Variants in DCAF13 observed in about 807,000 individuals in gnomAD.
DCAF13 encodes DDB1- and CUL4-associated factor 13.
DCAF13 carries 38 observed loss-of-function variants against 59.0 expected under a neutral mutation model. The ratio of observed to expected loss-of-function variants is 0.64; its 90% CI spans 0.50 to 0.84. DCAF13 has a LOEUF of 0.84. Among genes scored for constraint, DCAF13 ranks in the 40% least tolerant of loss-of-function variants. DCAF13 has a pLI of 0.00. For missense variants in DCAF13, 469 were observed against 558.4 expected (o/e 0.84, Z 1.61); for synonymous variants, 173 against 175.0 (o/e 0.99, Z 0.09).
At chr8:103,417,922 A>G (rs1332830166) in intron 1 of DCAF13, among the ~76,000 whole-genome samples, 1 of 152,078 alleles carries the variant, frequency 6.6e-6, no homozygotes, top group Non-Finnish European at 1.5e-5. Flanking sequence ...GATCGAGACT[A>G]TCCTGGCTAA....
At chr8:103,428,118 G>A (rs1816817921) in intron 5 of DCAF13, 1 of 152,192 alleles carries the variant, frequency 6.6e-6, no homozygotes, top group Admixed American at 6.5e-5. Flanking sequence ...GTAAGGTTGA[G>A]TCAAAATAGT....
At chr8:103,415,582 G>A in intron 1 of DCAF13, 66 bp downstream of exon 1, 1 of 1,472,442 alleles carries the variant, frequency 6.8e-7, no homozygotes, top group Non-Finnish European at 9.1e-7. Context: ...CTCGGCTTTC[G>A]CGGAGTAAAG....
chr8:103,424,101 C>G (rs1457388194), intron 3 of DCAF13, among the ~76,000 whole-genome samples: 1 of 152,060 alleles, frequency 6.6e-6, no homozygotes, highest in Admixed American at 6.6e-5. Context: ...TCACTGCAAG[C>G]TCTGCCTCCC....
intron 3 of DCAF13, among the ~76,000 whole-genome samples, chr8:103,425,071 G>A (rs1167080251): frequency 1.3e-5 from 2 of 152,018 alleles, no homozygotes; most frequent in Admixed American, 6.5e-5. Flanking sequence ...TGCAAGAAGC[G>A]TTTTCCTTTT....
chr8:103,431,374 C>T (rs957995167), intron 6 of DCAF13, among the ~76,000 whole-genome samples: 14 of 152,186 alleles, frequency 9.2e-5, no homozygotes, highest in African/African-American at 2.4e-5. Flanking sequence ...GGCTGGACAT[C>T]ATTGAGATGC....
chr8:103,433,893 G>A (rs914694779), intron 7 of DCAF13, among the ~76,000 whole-genome samples: 5 of 152,072 alleles, frequency 3.3e-5, no homozygotes, highest in South Asian at 4.2e-4. Flanking sequence ...GGCAATAAAA[G>A]ACAAGAGTAA....
chr8:103,423,663 A>T (rs1816752210), intron 3 of DCAF13, among the ~76,000 whole-genome samples: 1 of 152,224 alleles, frequency 6.6e-6, no homozygotes, highest in South Asian at 2.1e-4. Context: ...ATGAAAGTGA[A>T]TTAAATGTTC....
chr8:103,428,769 A>C (rs1816825540), intron 5 of DCAF13: 1 of 152,172 alleles, frequency 6.6e-6, no homozygotes, highest in Non-Finnish European at 1.5e-5. Context: ...AGGAACAAAA[A>C]AATCTTTTGC....
chr8:103,423,723 G>A (rs1456088850), intron 3 of DCAF13, among the ~76,000 whole-genome samples: 2 of 152,068 alleles, frequency 1.3e-5, no homozygotes, highest in African/African-American at 4.8e-5. Flanking sequence ...TAATTAGCTT[G>A]GTTTATCCAT....
At chr8:103,423,201 T>C (rs1018060990) in intron 3 of DCAF13, among the ~76,000 whole-genome samples, 2 of 152,060 alleles carry the variant, frequency 1.3e-5, no homozygotes, top group African/African-American at 2.4e-5. Context: ...GATTAATAGC[T>C]CAGCCAGAGG....
intron 1 of DCAF13, among the ~76,000 whole-genome samples, chr8:103,418,864 ATATTTTTTTTTTTTT>A (rs1816679208): frequency 3.6e-5 from 1 of 27,952 alleles, no homozygotes; most frequent in African/African-American, 2.2e-4. Context: ...ATATATATAT[ATATTTTTTTTTTTTT>A]TTTTTTTTTT....
intron 5 of DCAF13, chr8:103,429,249 G>T (rs1301422483): frequency 6.6e-6 from 1 of 152,186 alleles, no homozygotes; most frequent in Admixed American, 6.5e-5. Context: ...GAGAAGCCAA[G>T]AAAGGTTGAG....
chr8:103,440,132 A>C lies in DCAF13; in HGVS notation c.951-4A>C, dbSNP rs202185627. The C allele has an allele frequency of 4.5e-6, 7 of 1,558,968 alleles. No individual in the cohort carries two copies. The East Asian group carries it at 1.2e-4, about 26-fold the overall frequency. On this transcript the variant is annotated splice_polypyrimidine_tract_variant and splice_region_variant and intron_variant, in intron 8 of 10. Transcript: ENST00000612750. ...AGGGTTTTAACTTAATTCGTTTTCT[A>C]TAGGGAGGTATATCATACAAAGAGA...
chr8:103,417,820 T>C (rs1203003045), intron 1 of DCAF13, among the ~76,000 whole-genome samples: 1 of 151,536 alleles, frequency 6.6e-6, no homozygotes, highest in Non-Finnish European at 1.5e-5. Context: ...AAAAGCTGTT[T>C]TAAGATGACA....
At chr8:103,421,266 C>G (rs963506314) in intron 3 of DCAF13, 184 bp downstream of exon 3, 40 of 675,598 alleles carry the variant, frequency 5.9e-5, no homozygotes, top group Non-Finnish European at 9.4e-5. Flanking sequence ...TTCCCCATAA[C>G]TTAACATGAT....
chr8:103,418,866 ATTTTTTTTTTTTTTT>A (rs1159489554), intron 1 of DCAF13, among the ~76,000 whole-genome samples: 7 of 38,428 alleles, frequency 1.8e-4, no homozygotes, highest in South Asian at 8.1e-4. Context: ...ATATATATAT[ATTTTTTTTTTTTTTT>A]TTTTTTTTTT....
chr8:103,430,462 T>C (rs1479057002), intron 5 of DCAF13, 150 bp from the exon 6 acceptor site: 6 of 497,506 alleles, frequency 1.2e-5, no homozygotes, highest in Non-Finnish European at 1.8e-5. Flanking sequence ...TTTAAGTTGC[T>C]GAGATTATGG....
chr8:103,433,432 C>CT (rs1302685733), intron 7 of DCAF13, among the ~76,000 whole-genome samples: 7 of 151,264 alleles, frequency 4.6e-5, no homozygotes, highest in Admixed American at 2.6e-4. Flanking sequence ...AGTATCTTAT[C>CT]TTTTTTTTTC....
intron 1 of DCAF13, among the ~76,000 whole-genome samples, chr8:103,416,863 CTTG>C (rs1816625368): frequency 6.6e-6 from 1 of 152,128 alleles, no homozygotes; most frequent in Non-Finnish European, 1.5e-5. Context: ...AATGATCTAT[CTTG>C]TTGGGGTTTT....
Sources: allele counts gnomAD v4.1 joint callset (sites outside exome capture counted in the v4.1 genomes callset), GRCh38; gene constraint gnomAD v4.1.1; transcripts MANE v1.5; gene names NCBI Gene and HGNC (gene_info 2026-07-23, HGNC 2026-07-21).